Variants in MYBPC1 observed in about 807,000 individuals in gnomAD.
The protein encoded by MYBPC1 is myosin-binding protein C, slow-type.
MYBPC1 carries 52 observed loss-of-function variants against 147.1 expected under a neutral mutation model. The observed-to-expected ratio is 0.35, with a 90% CI of 0.28 to 0.45. The LOEUF (loss-of-function observed/expected upper bound fraction) is 0.45. MYBPC1 is among the 20% of genes least tolerant of loss of function. MYBPC1 has a pLI of 1.00. For synonymous variants in MYBPC1, 477 were observed against 475.9 expected, an observed-to-expected ratio of 1.00 and a Z score of -0.03; for missense variants, 1,228 against 1,440.3, an observed-to-expected ratio of 0.85 and a Z score of 2.39.
intron 6 of MYBPC1, 132 bp downstream of exon 6, chr12:101,629,676 C>A (rs1325472482): frequency 2.0e-5 from 14 of 696,134 alleles, no homozygotes; most frequent in Non-Finnish European, 3.3e-5. Flanking sequence ...AGTTCGAGAC[C>A]AGCCTGGCCA....
At chr12:101,623,950 A>G (rs776761146) in intron 3 of MYBPC1, among the ~76,000 whole-genome samples, 1 of 152,212 alleles carries the variant, frequency 6.6e-6, no homozygotes, top group African/African-American at 2.4e-5. Context: ...GAATGCATGC[A>G]TATTAGTTCA....
At position 101,663,577 on chromosome 12, in the gene MYBPC1, G is replaced by C; in HGVS notation, c.2356+17G>C. On this transcript the variant is annotated intron_variant, in intron 22 of 31. Transcript: ENST00000361466. ...TTGAAGGAAGTAAGTACAACCAGTAGATAAAATGAATACTGTCATCAATAG... is the reference window on the plus strand; with the variant it reads ...TTGAAGGAAGTAAGTACAACCAGTACATAAAATGAATACTGTCATCAATAG... 1 of 1,613,124 alleles carries C rather than the reference G, an allele frequency of 6.2e-7. No homozygotes were observed. The highest frequency in any genetic ancestry group is 8.5e-7 in the Non-Finnish European group (1 of 1,179,370).
rs568248091 is a variant in MYBPC1, at chr12:101,653,226, C to A, written c.1745C>A (p.Ala582Asp). Residue 582 changes from alanine to aspartate, a missense_variant, in exon 18 of 32, where the codon GCC (alanine) becomes GAC (aspartate). Physicochemically the swap from Ala to Asp is moderately radical, Grantham distance 126. Coordinates refer to ENST00000361466, the MANE Select transcript of MYBPC1 (RefSeq NM_002465.4). The part of the protein sequence containing the change: ...IPISGEPPPK[A>D]MWSRGDKAIM... ...ATCAGCGGAGAACCACCTCCTAAAG[C>A]CATGTGGAGCCGGGGAGATAAGGTT... The A allele has an allele frequency of 7.9e-5, 127 of 1,613,982 alleles. No homozygotes were observed. Among genetic ancestry groups the A allele is most frequent in the Non-Finnish European group, 1.0e-4 (119 of 1,180,030 alleles).
At chr12:101,684,507 A>G (rs763585424) in intron 31 of MYBPC1, 83 bp downstream of exon 31, 9 of 1,041,912 alleles carry the variant, frequency 8.6e-6, no homozygotes, top group African/African-American at 1.6e-5. Context: ...CATGATTTTC[A>G]TTACATAATC....
Position 101,633,923 on chromosome 12 carries a change from G to T in MYBPC1, c.557-631G>T, listed in dbSNP as rs1332467937. ...TTTTTTTTTTTTTAGACGGAGTCTC[G>T]CTCCTCTCTGTCACCCAGGCTGGAG... is the stretch of plus-strand genomic sequence containing the variant. On this transcript the variant is annotated intron_variant, in intron 8 of 31. Transcript: ENST00000361466. Among the ~76,000 whole-genome samples, 3 of 146,004 alleles carry T rather than the reference G, an allele frequency of 2.1e-5. No homozygotes were observed. In the Admixed American group the frequency reaches 2.1e-4, roughly 10 times the overall value.
chr12:101,639,985 AATATAT>A (rs375559600), intron 10 of MYBPC1, among the ~76,000 whole-genome samples: 77 of 152,116 alleles, frequency 5.1e-4, no homozygotes, highest in African/African-American at 1.9e-3. Context: ...CCCCGCAGAA[AATATAT>A]ACATATGAAC....
At chr12:101,693,924 G>C in the MYBPC1 span, among the ~76,000 whole-genome samples, 1 of 152,256 alleles carries the variant, frequency 6.6e-6, no homozygotes, top group Admixed American at 6.5e-5. Context: ...CAGAAGAAAG[G>C]AGCATAGCAG....
intron 10 of MYBPC1, among the ~76,000 whole-genome samples, chr12:101,640,998 G>A (rs1464574146): frequency 1.3e-5 from 2 of 151,576 alleles, no homozygotes; most frequent in Admixed American, 6.6e-5. Flanking sequence ...TGTAATCCCA[G>A]CTACTTGGGA....
chr12:101,625,733 A>G (rs897477603), intron 3 of MYBPC1, among the ~76,000 whole-genome samples: 1 of 152,314 alleles, frequency 6.6e-6, no homozygotes, highest in Non-Finnish European at 1.5e-5. Flanking sequence ...GTTAGGCTGC[A>G]TCTGGTTACT....
At chr12:101,681,462 A>G (rs564352808) in intron 29 of MYBPC1, among the ~76,000 whole-genome samples, 1 of 148,532 alleles carries the variant, frequency 6.7e-6, no homozygotes, top group African/African-American at 2.5e-5. Flanking sequence ...AAATCATAGT[A>G]AATGCTTGGG....
Position 101,667,719 on chromosome 12 carries a change from T to G in MYBPC1, c.2357-13T>G. On this transcript the variant is annotated splice_polypyrimidine_tract_variant and intron_variant, in intron 22 of 31. Transcript: ENST00000361466. Reference sequence around the variant, plus strand: ...CATTCCTCCTTCTTTTCCTTTTCTTTTACGGACTTCAGCTGAGGACTGGAT... The same window carrying G: ...CATTCCTCCTTCTTTTCCTTTTCTTGTACGGACTTCAGCTGAGGACTGGAT... 1 of 1,614,178 alleles carries G rather than the reference T, an allele frequency of 6.2e-7. No homozygotes were observed. Among genetic ancestry groups the G allele is most frequent in the Non-Finnish European group, 8.5e-7 (1 of 1,180,006 alleles).
intron 1 of MYBPC1, among the ~76,000 whole-genome samples, chr12:101,595,910 A>G (rs1434375746): frequency 6.6e-6 from 1 of 152,124 alleles, no homozygotes; most frequent in African/African-American, 2.4e-5. Context: ...TAGTTATGAA[A>G]ATAAATAATA....
intron 16 of MYBPC1, among the ~76,000 whole-genome samples, chr12:101,652,249 A>G (rs11110923): frequency 0.22 from 33,504 of 152,034 alleles, 3,930 homozygotes; most frequent in Middle Eastern, 0.34. Context: ...TCCATCAGAT[A>G]TTCACTAGTT....
chr12:101,603,867 G>A (rs1881122701), intron 1 of MYBPC1, among the ~76,000 whole-genome samples: 1 of 152,180 alleles, frequency 6.6e-6, no homozygotes, highest in African/African-American at 2.4e-5. Context: ...AGCCCAGGAG[G>A]CTGCAATGAG....
At chr12:101,615,662 GCCCC>G (rs200320748) in intron 2 of MYBPC1, among the ~76,000 whole-genome samples, 1 of 43,438 alleles carries the variant, frequency 2.3e-5, no homozygotes, top group African/African-American at 7.6e-5. Flanking sequence ...AGAACCCCCC[GCCCC>G]CCCCCCGCCC....
chr12:101,598,536 C>T lies in MYBPC1; in HGVS notation c.25+3441C>T, dbSNP rs375372619. 2.8e-4 allele frequency among the ~76,000 whole-genome samples: 43 copies of T among 152,178 alleles called. No individual in the cohort carries two copies. The South Asian group carries it at 8.1e-3, about 29-fold the overall frequency. ...ACCATAAAGCCTGATTCTTTAACAT[C>T]CTGCGACAACTGTTAACTGGATTCC... On this transcript the variant is annotated intron_variant, in intron 1 of 31. Coordinates refer to ENST00000361466, the MANE Select transcript of MYBPC1 (RefSeq NM_002465.4).
chr12:101,665,814 C>T (rs1430884715), intron 22 of MYBPC1, among the ~76,000 whole-genome samples: 1 of 152,194 alleles, frequency 6.6e-6, no homozygotes, highest in Non-Finnish European at 1.5e-5. Flanking sequence ...TGTCTCTTGA[C>T]TATGAAAATA....
At chr12:101,603,210 G>A (rs1287903038) in intron 1 of MYBPC1, among the ~76,000 whole-genome samples, 1 of 152,078 alleles carries the variant, frequency 6.6e-6, no homozygotes, top group African/African-American at 2.4e-5. Flanking sequence ...AGGGCATGGT[G>A]GCGCATGCCT....
At chr12:101,666,782 G>A in intron 22 of MYBPC1, 2 of 1,613,698 alleles carry the variant, frequency 1.2e-6, no homozygotes, top group Non-Finnish European at 1.7e-6. Flanking sequence ...TGGGGAGGCT[G>A]CCTATGATCT....
Sources: allele counts gnomAD v4.1 joint callset (sites outside exome capture counted in the v4.1 genomes callset), GRCh38; gene constraint gnomAD v4.1.1; transcripts MANE v1.5; gene names NCBI Gene and HGNC (gene_info 2026-07-23, HGNC 2026-07-21).